Variants in COL4A4 observed in about 807,000 individuals in gnomAD.
The protein encoded by COL4A4 is collagen type IV alpha 4 chain, also known as collagen alpha-4(IV) chain.
Under a neutral mutation model 192.9 loss-of-function variants are expected in COL4A4, and 105 were observed. The observed-to-expected ratio is 0.54, with a 90% CI of 0.46 to 0.64. The LOEUF is 0.64. Among genes scored for constraint, COL4A4 ranks in the 30% least tolerant of loss-of-function variants. The pLI is 0.00. For missense variants in COL4A4, 1,967 were observed against 2,169.3 expected, an observed-to-expected ratio of 0.91 and a Z score of 1.85; for synonymous variants, 762 against 769.9, an observed-to-expected ratio of 0.99 and a Z score of 0.17.
At chr2:227,082,327 T>C in intron 22 of COL4A4, 140 bp from the exon 23 acceptor site, 1 of 786,374 alleles carries the variant, frequency 1.3e-6, no homozygotes, top group Non-Finnish European at 2.2e-6. Context: ...CTCTTCCACT[T>C]CCCTGCCTTC....
chr2:227,159,355 A>G (rs767160947), intron 1 of COL4A4, among the ~76,000 whole-genome samples: 9 of 152,198 alleles, frequency 5.9e-5, no homozygotes, highest in South Asian at 2.1e-4. Context: ...GCAGAAAGAA[A>G]CTTCTGGGAG....
At chr2:227,045,760 C>T (rs1972358917) in intron 35 of COL4A4, among the ~76,000 whole-genome samples, 1 of 123,214 alleles carries the variant, frequency 8.1e-6, no homozygotes, top group Non-Finnish European at 1.6e-5. Flanking sequence ...AACAGCAAGA[C>T]TCCATCTCAA....
rs201332855 is a variant in COL4A4, at chr2:227,120,945, A to G, written c.327+69T>C. 1,933 of 1,607,504 alleles carry G rather than the reference A, an allele frequency of 1.2e-3. 2 individuals are homozygous for G. Among genetic ancestry groups the G allele is most frequent in the Non-Finnish European group, 1.6e-3 (1,863 of 1,174,818 alleles). On this transcript the variant is annotated intron_variant, in intron 5 of 47. Transcript: ENST00000396625. ...CAGAGTAAGACTGTCTAAAAAAAAC[A>G]AAAACAAAAAATGGTGCAGTAGTGC...
chr2:227,024,020 AAAAC>A (rs1395281864), intron 43 of COL4A4, among the ~76,000 whole-genome samples: 13 of 150,190 alleles, frequency 8.7e-5, no homozygotes, highest in African/African-American at 1.5e-4. Flanking sequence ...AAAAAAACAA[AAAAC>A]AAACAAAAAA....
chr2:227,111,739 T>G (rs986012692), intron 8 of COL4A4, 26 bp from the exon 9 acceptor site: 9 of 1,610,488 alleles, frequency 5.6e-6, no homozygotes, highest in Non-Finnish European at 6.8e-6. Flanking sequence ...TGCATTGCTT[T>G]AAGTCCACAC....
chr2:227,027,550 G>A (rs934836643), intron 42 of COL4A4, among the ~76,000 whole-genome samples: 9 of 150,686 alleles, frequency 6.0e-5, no homozygotes, highest in African/African-American at 2.2e-4. Flanking sequence ...GAGTTAATGG[G>A]TGCAGCACAC....
At chr2:227,159,565 A>C (rs111396101) in intron 1 of COL4A4, among the ~76,000 whole-genome samples, 8 of 152,376 alleles carry the variant, frequency 5.3e-5, no homozygotes, top group African/African-American at 1.9e-4. Context: ...AATTGTAATC[A>C]CATAATCCCC....
Position 227,077,923 on chromosome 2 carries a change from C to A in COL4A4, c.1958G>T (p.Arg653Met). 1 of 1,613,492 alleles carries A rather than the reference C, an allele frequency of 6.2e-7. No homozygotes were observed. Among genetic ancestry groups the A allele is most frequent in the Non-Finnish European group, 8.5e-7 (1 of 1,180,006 alleles). The change falls in exon 25 of 48, where the codon AGG becomes ATG. Residue 653 changes from arginine (R) to methionine (M), a missense_variant. Arg to Met is a moderately conservative substitution (Grantham distance 91, BLOSUM62 -1). Transcript: ENST00000396625. ...CTGACCCTTCAAGCCATCAGGGCCC[C>A]TCACACCTGGGTGGCCTGGAACTCC... ...HPGVPGHPGV[R>M]GPDGLKGQKG...
intron 43 of COL4A4, among the ~76,000 whole-genome samples, chr2:227,023,278 T>C (rs987270731): frequency 5.4e-5 from 8 of 147,762 alleles, no homozygotes; most frequent in Non-Finnish European, 1.0e-4. Flanking sequence ...CCATCTCTAC[T>C]TAAAAAAAAA....
In COL4A4 at chr2:227,045,882, A is replaced by G. The variant is rs1283301462; in HGVS notation, c.3289+1593T>C. 3.6e-5 allele frequency among the ~76,000 whole-genome samples: 4 copies of G among 110,388 alleles called. 1 individual carries two copies. The highest frequency in any genetic ancestry group is 1.4e-4 in the African/African-American group (4 of 29,610). 72.4% of individuals were successfully genotyped at this position (110,388 alleles called of 152,430 possible). ...TATATACACATATATATACATATAT[A>G]TGTATATATATTTAGATAGTATATA... On this transcript the variant is annotated intron_variant, in intron 35 of 47. Transcript: ENST00000396625.
intron 17 of COL4A4, 132 bp downstream of exon 17, chr2:227,101,372 T>TA (rs2060512831): frequency 1.3e-6 from 1 of 768,298 alleles, no homozygotes; most frequent in Admixed American, 2.8e-5. Flanking sequence ...AACAATTGAA[T>TA]AAAAAATTAA....
intron 3 of COL4A4, among the ~76,000 whole-genome samples, chr2:227,142,698 G>A (rs1025466725): frequency 6.6e-6 from 1 of 151,484 alleles, no homozygotes; most frequent in Non-Finnish European, 1.5e-5. Context: ...AGAGGTGGCA[G>A]TGAGCTGAGA....
Position 227,082,143 on chromosome 2 carries a change from C to T in COL4A4, c.1668G>A (p.Lys556=). The T allele has an allele frequency of 1.9e-6, 3 of 1,614,178 alleles. No individual in the cohort carries two copies. The highest frequency in any genetic ancestry group is 2.5e-6 in the Non-Finnish European group (3 of 1,180,028). Residue 556 remains lysine (K), a synonymous_variant, in exon 23 of 48, where the codon AAG becomes AAA. Transcript: ENST00000396625. The part of the protein sequence containing the change: ...ASGPPGNKGA[K]GDMVVSRVKG... ...TAACTCTTGATACAACCATGTCACC[C>T]TTCGCCCCTTTGTTGCCAGGTGGTC...
chr2:226,998,685 C>G (rs1293631837), downstream of COL4A4: 1 of 152,054 alleles, frequency 6.6e-6, no homozygotes, highest in Non-Finnish European at 1.5e-5. Flanking sequence ...TTAACAATAC[C>G]TCCTCACTCA....
At chr2:227,056,249 G>A (rs1227379058) in intron 29 of COL4A4, 134 bp from the exon 30 acceptor site, 2 of 757,186 alleles carry the variant, frequency 2.6e-6, no homozygotes, top group African/African-American at 1.7e-5. Context: ...AATAACAGTA[G>A]CAACTTTCCA....
intron 22 of COL4A4, among the ~76,000 whole-genome samples, chr2:227,087,505 C>A (rs968355507): frequency 1.3e-5 from 2 of 152,166 alleles, no homozygotes; most frequent in Non-Finnish European, 2.9e-5. Context: ...CTGGTTCTGT[C>A]CCTTACTTCT....
chr2:227,150,221 G>C (rs75437402), intron 1 of COL4A4, among the ~76,000 whole-genome samples: 3,883 of 152,188 alleles, frequency 0.026, 160 homozygotes, highest in African/African-American at 0.087. Flanking sequence ...GGAAGAATGA[G>C]GGATAACTGG....
Position 227,007,328 on chromosome 2 carries a change from G to T in COL4A4, c.5070C>A (p.Ser1690Arg), listed in dbSNP as rs762885668. The T allele has an allele frequency of 4.3e-6, 7 of 1,614,214 alleles. No homozygotes were observed. Among genetic ancestry groups the T allele is most frequent in the Non-Finnish European group, 5.1e-6 (6 of 1,180,044 alleles). ...GTGTTGGTGAATTTCGCATTCTCTA[G>T]CTATACTTCACGCAGACCTGGCACC... ...ISRCQVCVKY[S>R] The change falls in exon 48 of 48, where the codon AGC becomes AGA. Residue 1690 changes from serine to arginine, a missense_variant. Ser to Arg is a moderately radical substitution (Grantham distance 110, BLOSUM62 -1). Coordinates refer to ENST00000396625, the MANE Select transcript of COL4A4 (RefSeq NM_000092.5).
In COL4A4 at chr2:227,119,922, A is replaced by G. The variant is rs760425757; in HGVS notation, c.345T>C (p.Pro115=). ...GTATGCCATCTAAACCTGGAAATCC[A>G]GGAACACCAGTTGGACCCTAAAATC... ...DKGDKGPTGV[P]GFPGLDGIPG... is the part of the protein sequence containing the mutation. Residue 115 remains proline, a synonymous_variant, in exon 6 of 48, where the codon CCT becomes CCC. Transcript: ENST00000396625. 3 of 1,584,506 alleles carry G rather than the reference A, an allele frequency of 1.9e-6. No individual in the cohort carries two copies. Among genetic ancestry groups the G allele is most frequent in the Non-Finnish European group, 2.6e-6 (3 of 1,164,028 alleles).
Sources: allele counts gnomAD v4.1 joint callset (sites outside exome capture counted in the v4.1 genomes callset), GRCh38; gene constraint gnomAD v4.1.1; transcripts MANE v1.5; gene names NCBI Gene and HGNC (gene_info 2026-07-23, HGNC 2026-07-21).